Variants in TTLL11 observed in about 807,000 individuals in gnomAD.
TTLL11 encodes tubulin polyglutamylase TTLL11.
Under a neutral mutation model 51.7 loss-of-function variants are expected in TTLL11, and 42 were observed. The observed-to-expected ratio is 0.81, with a 90% CI of 0.64 to 1.05. The LOEUF (loss-of-function observed/expected upper bound fraction) is 1.05. TTLL11 is among the 50% of genes least tolerant of loss of function. The pLI is 0.00. For missense variants in TTLL11, 799 were observed against 940.4 expected, an observed-to-expected ratio of 0.85 and a Z score of 1.97; for synonymous variants, 381 against 383.5, an observed-to-expected ratio of 0.99 and a Z score of 0.08.
At chr9:121,904,542 A>G (rs1319763532) in intron 6 of TTLL11, among the ~76,000 whole-genome samples, 2 of 152,176 alleles carry the variant, frequency 1.3e-5, no homozygotes, top group African/African-American at 4.8e-5. Context: ...GCCCTGTTGG[A>G]GCCTTGAGCC....
intron 6 of TTLL11, among the ~76,000 whole-genome samples, chr9:121,947,146 A>T (rs979857979): frequency 6.6e-6 from 1 of 152,150 alleles, no homozygotes; most frequent in Non-Finnish European, 1.5e-5. Context: ...TTCCTTGCAG[A>T]GCTGAGCTCA....
intron 6 of TTLL11, among the ~76,000 whole-genome samples, chr9:121,921,804 G>C (rs964613536): frequency 6.6e-6 from 1 of 152,184 alleles, no homozygotes; most frequent in East Asian, 1.9e-4. Flanking sequence ...CCTTGGGCTA[G>C]ATAGAGGGAA....
intron 2 of TTLL11, among the ~76,000 whole-genome samples, 167 bp from the exon 3 acceptor site, chr9:122,032,023 A>G (rs1437419215): frequency 6.6e-6 from 1 of 152,216 alleles, no homozygotes; most frequent in Non-Finnish European, 1.5e-5. Flanking sequence ...ATGGTTTGGA[A>G]AGAACTACTG....
In TTLL11 at chr9:122,012,448, A is replaced by C. The variant is rs148045959; in HGVS notation, c.693+19275T>G. Among the ~76,000 whole-genome samples the C allele has an allele frequency of 3.2e-3, 487 of 152,250 alleles. 3 individuals carry two copies. Among genetic ancestry groups the C allele is most frequent in the African/African-American group, 0.011 (470 of 41,550 alleles). ...GCCATTAGAGAGAGAGAGAAAAAAAAAAGCATATTAAAGCAGTGGCCCTCT... is the reference window on the plus strand; with the variant it reads ...GCCATTAGAGAGAGAGAGAAAAAAACAAGCATATTAAAGCAGTGGCCCTCT... On this transcript the variant is annotated intron_variant, in intron 3 of 8. Coordinates refer to ENST00000321582, the MANE Select transcript of TTLL11 (RefSeq NM_001139442.2).
chr9:121,930,603 C>G (rs963595746), intron 6 of TTLL11, among the ~76,000 whole-genome samples: 5 of 152,200 alleles, frequency 3.3e-5, no homozygotes, highest in Non-Finnish European at 7.3e-5. Context: ...ATGGCTCACC[C>G]GGGGCCAGCC....
At chr9:122,037,753 A>G (rs1054533477) in intron 2 of TTLL11, among the ~76,000 whole-genome samples, 1 of 151,976 alleles carries the variant, frequency 6.6e-6, no homozygotes, top group Non-Finnish European at 1.5e-5. Context: ...TCTTGCAAAT[A>G]CTCCACTGAA....
chr9:121,949,934 G>A (rs1841797262), intron 6 of TTLL11, among the ~76,000 whole-genome samples: 1 of 151,768 alleles, frequency 6.6e-6, no homozygotes, highest in Admixed American at 6.6e-5. Flanking sequence ...TTCCTGTTCT[G>A]ACACAACTAC....
intron 1 of TTLL11, among the ~76,000 whole-genome samples, chr9:122,045,131 A>C (rs1368875431): frequency 6.6e-6 from 1 of 152,064 alleles, no homozygotes; most frequent in Non-Finnish European, 1.5e-5. Context: ...ACAGGACCTA[A>C]GTGTTGACAA....
At chr9:121,866,169 T>C (rs1233991888) in intron 7 of TTLL11, among the ~76,000 whole-genome samples, 3 of 152,214 alleles carry the variant, frequency 2.0e-5, no homozygotes, top group African/African-American at 7.2e-5. Context: ...ATTTAACATA[T>C]GGCATTAATA....
chr9:122,019,101 A>G (rs1844088569), intron 3 of TTLL11, among the ~76,000 whole-genome samples: 2 of 152,106 alleles, frequency 1.3e-5, no homozygotes, highest in South Asian at 4.1e-4. Flanking sequence ...CCTCAATTCT[A>G]TCAGTCTCCA....
At chr9:121,899,217 G>T (rs1839654665) in intron 6 of TTLL11, among the ~76,000 whole-genome samples, 1 of 151,984 alleles carries the variant, frequency 6.6e-6, no homozygotes, top group Admixed American at 6.6e-5. Context: ...CCCTCAGCTT[G>T]CTCCCTCTAT....
chr9:121,870,134 C>T (rs541328464), intron 7 of TTLL11, among the ~76,000 whole-genome samples: 127 of 152,306 alleles, frequency 8.3e-4, no homozygotes, highest in African/African-American at 2.7e-3. Context: ...TGTGGCTTCA[C>T]GAACGCCAAA....
chr9:121,962,122 T>G (rs1285481575), intron 6 of TTLL11, among the ~76,000 whole-genome samples: 1 of 152,042 alleles, frequency 6.6e-6, no homozygotes, highest in Admixed American at 6.6e-5. Context: ...CAACTATAAA[T>G]GACAGGAGAA....
At position 121,907,170 on chromosome 9, in the gene TTLL11, C is replaced by T. The variant is rs1839976413; in HGVS notation, c.1482-36422G>A. 3.3e-5 allele frequency among the ~76,000 whole-genome samples: 5 copies of T among 152,148 alleles called. No individual in the cohort carries two copies. The South Asian group carries it at 1.0e-3, about 32-fold the overall frequency. On this transcript the variant is annotated intron_variant, in intron 6 of 8. Coordinates refer to ENST00000321582, the MANE Select transcript of TTLL11 (RefSeq NM_001139442.2). ...AGGGTCTGTGGCAATTGAGTACCTA[C>T]ATTCCAGGCATTGTGCTGGGAACTA...
chr9:122,008,783 C>T (rs1418264547), intron 3 of TTLL11, among the ~76,000 whole-genome samples: 1 of 152,208 alleles, frequency 6.6e-6, no homozygotes, highest in Non-Finnish European at 1.5e-5. Context: ...AGCCAAGATA[C>T]GGAATCAACC....
chr9:121,870,792 G>A (rs375071660), intron 6 of TTLL11, 44 bp from the exon 7 acceptor site: 4 of 1,477,154 alleles, frequency 2.7e-6, no homozygotes, highest in East Asian at 2.5e-5. Context: ...TTCCCTTTCA[G>A]TTTCTCCTTT....
intron 6 of TTLL11, among the ~76,000 whole-genome samples, chr9:121,917,553 A>AAG (rs1181585585): frequency 7.1e-4 from 103 of 145,010 alleles, no homozygotes; most frequent in African/African-American, 2.7e-3. Context: ...AAGAAAAAGA[A>AAG]AAAGAAAGAA....
At chr9:122,017,958 G>T (rs963481815) in intron 3 of TTLL11, among the ~76,000 whole-genome samples, 2 of 152,122 alleles carry the variant, frequency 1.3e-5, no homozygotes, top group Admixed American at 1.3e-4. Context: ...TTATACACAG[G>T]AAAAGGTTGA....
intron 6 of TTLL11, among the ~76,000 whole-genome samples, chr9:121,886,684 A>G (rs1839024129): frequency 6.6e-6 from 1 of 152,216 alleles, no homozygotes; most frequent in African/African-American, 2.4e-5. Flanking sequence ...CTGATGTAAG[A>G]GTCCAGTGTC....
Sources: gnomAD v4.1 joint callset for allele counts (sites outside exome capture counted in the v4.1 genomes callset) on GRCh38, gnomAD v4.1.1 for gene constraint, MANE v1.5 for transcripts, NCBI Gene and HGNC (gene_info 2026-07-23, HGNC 2026-07-21) for gene names.